OSBPL8: variants seen among roughly 807,000 people sequenced by gnomAD.
The protein encoded by OSBPL8 is oxysterol binding protein like 8, also known as oxysterol-binding protein-related protein 8.
A neutral mutation model predicts 125.5 loss-of-function variants in OSBPL8; 59 were observed. The ratio of observed to expected loss-of-function variants is 0.47; its 90% CI spans 0.38 to 0.58. The LOEUF is 0.58. OSBPL8 is among the 20% of genes least tolerant of loss of function. The pLI, the probability that OSBPL8 is intolerant of heterozygous loss-of-function variation, is 0.00. For synonymous variants in OSBPL8, 330 were observed against 338.9 expected, an observed-to-expected ratio of 0.97 and a Z score of 0.29; for missense variants, 758 against 1,047.8, an observed-to-expected ratio of 0.72 and a Z score of 3.82.
In OSBPL8 at chr12:76,394,643, A is replaced by G. The variant is rs770123800; in HGVS notation, c.757+2T>C. ...ATCCAATCCATCAAAAACTATACTT[A>G]CCATCTGACTCTGAAGTAGCTCGGA... On this transcript the variant is annotated splice_donor_variant, in intron 9 of 23. Transcript: ENST00000261183. LOFTEE classifies it high-confidence loss of function. The G allele has an allele frequency of 4.3e-5, 69 of 1,608,852 alleles. No homozygotes were observed. The South Asian group carries it at 7.3e-4, about 17-fold the overall frequency.
intron 4 of OSBPL8, among the ~76,000 whole-genome samples, chr12:76,434,428 T>C (rs536433333): frequency 5.3e-5 from 8 of 152,258 alleles, no homozygotes; most frequent in African/African-American, 1.9e-4. Flanking sequence ...AAAAAGCTTC[T>C]TGACATTGGT....
chr12:76,429,360 A>G (rs185238661), intron 4 of OSBPL8, among the ~76,000 whole-genome samples: 1 of 152,014 alleles, frequency 6.6e-6, no homozygotes, highest in East Asian at 1.9e-4. Context: ...AGGCACAGCT[A>G]TGTTAGGCAC....
At chr12:76,438,033 C>T (rs1402133188) in intron 4 of OSBPL8, among the ~76,000 whole-genome samples, 1 of 152,086 alleles carries the variant, frequency 6.6e-6, no homozygotes, top group Non-Finnish European at 1.5e-5. Flanking sequence ...GTCGCCCAGG[C>T]TGGAGTGCAG....
At chr12:76,446,429 T>C (rs1872726637) in intron 4 of OSBPL8, among the ~76,000 whole-genome samples, 1 of 152,166 alleles carries the variant, frequency 6.6e-6, no homozygotes, top group South Asian at 2.1e-4. Flanking sequence ...CCAATGACTT[T>C]TAAAGAAGTA....
chr12:76,360,677 T>G (rs1051652785), intron 21 of OSBPL8, among the ~76,000 whole-genome samples: 5 of 152,238 alleles, frequency 3.3e-5, no homozygotes, highest in African/African-American at 1.2e-4. Flanking sequence ...GGCGTTTCCA[T>G]ACATCTTCTG....
chr12:76,372,402 T>C (rs1247472578), intron 18 of OSBPL8, among the ~76,000 whole-genome samples: 1 of 152,000 alleles, frequency 6.6e-6, no homozygotes, highest in Non-Finnish European at 1.5e-5. Flanking sequence ...AGAGAAGAGG[T>C]CTTGTTATGT....
At chr12:76,439,077 A>G (rs1871855220) in intron 4 of OSBPL8, among the ~76,000 whole-genome samples, 1 of 152,188 alleles carries the variant, frequency 6.6e-6, no homozygotes, top group South Asian at 2.1e-4. Flanking sequence ...ATTGATGGCA[A>G]TTATAAGATA....
intron 1 of OSBPL8, among the ~76,000 whole-genome samples, chr12:76,495,388 A>G (rs1034212198): frequency 6.6e-6 from 1 of 152,240 alleles, no homozygotes; most frequent in African/African-American, 2.4e-5. Flanking sequence ...ATTCAGTCCA[A>G]TAAAAGAGGT....
chr12:76,408,461 C>CAAA (rs71082306), intron 5 of OSBPL8, among the ~76,000 whole-genome samples: 1 of 73,266 alleles, frequency 1.4e-5, no homozygotes, highest in Non-Finnish European at 2.6e-5. Context: ...GACTCCTTCT[C>CAAA]AAAAAAAAAA....
chr12:76,380,168 G>T (rs575588678), intron 15 of OSBPL8, among the ~76,000 whole-genome samples: 3 of 152,172 alleles, frequency 2.0e-5, no homozygotes, highest in African/African-American at 4.8e-5. Context: ...CTTCAAAAAA[G>T]CCTGCTTAGA....
At chr12:76,427,735 T>C (rs74103442) in intron 4 of OSBPL8, among the ~76,000 whole-genome samples, 62 of 152,186 alleles carry the variant, frequency 4.1e-4, no homozygotes, top group Middle Eastern at 6.8e-3. Flanking sequence ...AGCATCAACA[T>C]TGCAAGATCA....
chr12:76,488,509 T>C (rs936056580), intron 1 of OSBPL8, among the ~76,000 whole-genome samples: 2 of 152,226 alleles, frequency 1.3e-5, no homozygotes, highest in African/African-American at 4.8e-5. Flanking sequence ...CAACAGCATG[T>C]GCTCACTTTG....
chr12:76,361,788 G>C (rs2136145500), intron 21 of OSBPL8, among the ~76,000 whole-genome samples: 1 of 152,292 alleles, frequency 6.6e-6, no homozygotes, highest in South Asian at 2.1e-4. Flanking sequence ...CATGAGAACA[G>C]CATGGGGGAA....
At chr12:76,538,304 T>C (rs904730828) in intron 1 of OSBPL8, among the ~76,000 whole-genome samples, 2 of 152,232 alleles carry the variant, frequency 1.3e-5, no homozygotes, top group African/African-American at 4.8e-5. Context: ...CACTATTAAA[T>C]ACTTTTTAAA....
Position 76,369,558 on chromosome 12 carries a change from C to T in OSBPL8, c.2240+79G>A, listed in dbSNP as rs1459677062. 5 of 1,454,914 alleles carry T rather than the reference C, an allele frequency of 3.4e-6. No individual in the cohort carries two copies. In the African/African-American group the frequency reaches 7.1e-5, roughly 21 times the overall value. 90.1% of individuals were successfully genotyped at this position (1,454,914 alleles called of 1,614,324 possible). ...TGGTTTAATTAAATAAAAACTACTC[C>T]AGCAACAAATATTCTAGAAATAAAG... On this transcript the variant is annotated intron_variant, in intron 20 of 23. Coordinates refer to ENST00000261183, the MANE Select transcript of OSBPL8 (RefSeq NM_020841.5).
chr12:76,454,309 C>T (rs1322294598), intron 3 of OSBPL8, among the ~76,000 whole-genome samples: 1 of 152,046 alleles, frequency 6.6e-6, no homozygotes, highest in Non-Finnish European at 1.5e-5. Context: ...TAAATTCTGG[C>T]ATATCCATAT....
At chr12:76,439,310 C>T (rs552661958) in intron 4 of OSBPL8, among the ~76,000 whole-genome samples, 3 of 151,930 alleles carry the variant, frequency 2.0e-5, no homozygotes, top group South Asian at 2.1e-4. Flanking sequence ...ACCCAGGAGG[C>T]GGAGGTTGCA....
At chr12:76,511,712 G>A (rs992324419) in intron 1 of OSBPL8, among the ~76,000 whole-genome samples, 3 of 152,192 alleles carry the variant, frequency 2.0e-5, no homozygotes, top group African/African-American at 7.2e-5. Flanking sequence ...TTGCTGTGCA[G>A]AAGCTCTTAA....
chr12:76,539,155 GA>G (rs947126671), intron 1 of OSBPL8, among the ~76,000 whole-genome samples: 7 of 140,800 alleles, frequency 5.0e-5, no homozygotes, highest in Non-Finnish European at 6.2e-5. Flanking sequence ...GCCACACAGA[GA>G]AAAAAAAAAG....
Sources: gnomAD v4.1 joint callset for allele counts (sites outside exome capture counted in the v4.1 genomes callset) on GRCh38, gnomAD v4.1.1 for gene constraint, MANE v1.5 for transcripts, NCBI Gene and HGNC (gene_info 2026-07-23, HGNC 2026-07-21) for gene names.